The following PHYHIPL variants were observed in gnomAD, a reference collection of about 807,000 sequenced individuals.
PHYHIPL encodes phytanoyl-CoA hydroxylase-interacting protein-like.
A neutral mutation model predicts 33.4 loss-of-function variants in PHYHIPL; 9 were observed. The ratio of observed to expected loss-of-function variants is 0.27; its 90% confidence interval spans 0.16 to 0.47. The LOEUF (loss-of-function observed/expected upper bound fraction) is 0.47. Among genes scored for constraint, PHYHIPL ranks in the 20% least tolerant of loss-of-function variants. PHYHIPL has a pLI of 0.99. For synonymous variants in PHYHIPL, 153 were observed against 154.1 expected (o/e 0.99, Z 0.05); for missense variants, 365 against 460.7 (o/e 0.79, Z 1.90).
intron 1 of PHYHIPL, among the ~76,000 whole-genome samples, chr10:59,212,568 C>G (rs1839488562): frequency 6.6e-6 from 1 of 152,158 alleles, no homozygotes; most frequent in African/African-American, 2.4e-5. Context: ...ACCAATCCAG[C>G]TGTTTCTGTA....
intron 1 of PHYHIPL, among the ~76,000 whole-genome samples, chr10:59,196,904 G>T (rs1838937860): frequency 1.3e-5 from 2 of 152,162 alleles, no homozygotes; most frequent in Admixed American, 1.3e-4. Flanking sequence ...TTGTCAAAAA[G>T]ATTTCTTAAA....
At chr10:59,242,800 G>A (rs1840449414) in intron 4 of PHYHIPL, among the ~76,000 whole-genome samples, 1 of 152,088 alleles carries the variant, frequency 6.6e-6, no homozygotes, top group South Asian at 2.1e-4. Context: ...GCAGATTCAA[G>A]AGGACAAAGA....
At chr10:59,226,993 TGC>T (rs1201663993) in intron 1 of PHYHIPL, among the ~76,000 whole-genome samples, 1 of 152,120 alleles carries the variant, frequency 6.6e-6, no homozygotes, top group Non-Finnish European at 1.5e-5. Context: ...ATATAAAAGA[TGC>T]ACCTAAAAAG....
At chr10:59,207,132 C>T (rs1184595624) in intron 1 of PHYHIPL, among the ~76,000 whole-genome samples, 1 of 152,144 alleles carries the variant, frequency 6.6e-6, no homozygotes, top group African/African-American at 2.4e-5. Context: ...ACAGAGGTGG[C>T]TGGCAAGATG....
At chr10:59,184,961 C>T (rs1398952448) in intron 1 of PHYHIPL, among the ~76,000 whole-genome samples, 2 of 150,548 alleles carry the variant, frequency 1.3e-5, no homozygotes, top group Middle Eastern at 3.4e-3. Flanking sequence ...CATCCATGTG[C>T]CTACAAAGGA....
At chr10:59,236,419 C>A in intron 2 of PHYHIPL, 64 bp from the exon 3 acceptor site, 1 of 1,007,736 alleles carries the variant, frequency 9.9e-7, no homozygotes, top group Non-Finnish European at 1.4e-6. Context: ...CTTCTTTCTT[C>A]ACTTCCTTCG....
chr10:59,194,126 G>T (rs1484113416), intron 1 of PHYHIPL, among the ~76,000 whole-genome samples: 1 of 141,082 alleles, frequency 7.1e-6, no homozygotes, highest in African/African-American at 2.7e-5. Flanking sequence ...CTGTTGCCCA[G>T]GCTGGAGTGC....
intron 1 of PHYHIPL, among the ~76,000 whole-genome samples, chr10:59,188,886 A>G (rs2133195737): frequency 1.3e-5 from 2 of 152,154 alleles, no homozygotes; most frequent in Middle Eastern, 6.8e-3. Context: ...GGTTTCCTGA[A>G]TACAGCACAC....
intron 1 of PHYHIPL, among the ~76,000 whole-genome samples, chr10:59,178,536 A>T (rs540697740): frequency 6.6e-6 from 1 of 152,134 alleles, no homozygotes; most frequent in Non-Finnish European, 1.5e-5. Context: ...TTATTTTCTT[A>T]GGGTTGAGAG....
intron 1 of PHYHIPL, chr10:59,221,732 T>G (rs1839782808): frequency 1.0e-6 from 1 of 970,156 alleles, no homozygotes; most frequent in Non-Finnish European, 1.2e-6. Flanking sequence ...TTTCCTGGCT[T>G]CTCATAAAAG....
intron 4 of PHYHIPL, among the ~76,000 whole-genome samples, chr10:59,243,017 A>T (rs1270250447): frequency 6.6e-6 from 1 of 152,126 alleles, no homozygotes; most frequent in Non-Finnish European, 1.5e-5. Flanking sequence ...ATGTTCCCAA[A>T]TTTGCCAAAC....
intron 1 of PHYHIPL, among the ~76,000 whole-genome samples, chr10:59,205,706 ACAC>A (rs2133227930): frequency 6.6e-6 from 1 of 152,292 alleles, no homozygotes; most frequent in Non-Finnish European, 1.5e-5. Flanking sequence ...GGGCCGGAGT[ACAC>A]TGGTCCTCAT....
chr10:59,204,863 G>GTTTT (rs1230018175), intron 1 of PHYHIPL, among the ~76,000 whole-genome samples: 3 of 129,872 alleles, frequency 2.3e-5, no homozygotes, highest in Non-Finnish European at 3.3e-5. Context: ...GTCTCATAAA[G>GTTTT]TTTTTTTTTT....
intron 1 of PHYHIPL, among the ~76,000 whole-genome samples, chr10:59,233,904 A>G (rs987924591): frequency 1.3e-5 from 2 of 151,756 alleles, no homozygotes; most frequent in Admixed American, 1.3e-4. Context: ...AGGAGGGGGA[A>G]TTTTTATAGA....
At chr10:59,232,391 C>T (rs1840104647) in intron 1 of PHYHIPL, among the ~76,000 whole-genome samples, 1 of 151,328 alleles carries the variant, frequency 6.6e-6, no homozygotes, top group African/African-American at 2.4e-5. Flanking sequence ...TATATTGTTC[C>T]CAATGGGAAA....
upstream of PHYHIPL, among the ~76,000 whole-genome samples, chr10:59,174,639 C>T (rs949626843): frequency 6.6e-6 from 1 of 152,322 alleles, no homozygotes; most frequent in Admixed American, 6.5e-5. Context: ...CTTCTTGAAA[C>T]ATTACCCTTT....
rs1278350792 is a variant in PHYHIPL at position 59,245,674 on chromosome 10, G to A, written c.*83G>A. ...CTGTTGTCCATTTTTATCACCAGAT[G>A]TTTTCCACTGAAGCATGCACATGCC... On this transcript the variant is annotated 3_prime_UTR_variant, in exon 5 of 5. Coordinates refer to ENST00000373880, the MANE Select transcript of PHYHIPL (RefSeq NM_032439.4). 5.0e-6 allele frequency: 7 copies of A among 1,411,568 alleles called. No homozygotes were observed. The East Asian group carries it at 6.9e-5, about 14-fold the overall frequency. 87.4% of individuals were successfully genotyped at this position (1,411,568 alleles called of 1,614,324 possible). A position where few individuals can be genotyped will look rare whatever the true frequency, so the allele number is the denominator to read the frequency against.
chr10:59,185,617 C>A (rs1005735395), intron 1 of PHYHIPL, among the ~76,000 whole-genome samples: 1 of 152,192 alleles, frequency 6.6e-6, no homozygotes, highest in African/African-American at 2.4e-5. Flanking sequence ...CACATCCTCT[C>A]CAGCACCTGT....
intron 1 of PHYHIPL, among the ~76,000 whole-genome samples, chr10:59,219,524 A>G (rs566959753): frequency 6.6e-6 from 1 of 152,174 alleles, no homozygotes; most frequent in Non-Finnish European, 1.5e-5. Context: ...ACATTATGCT[A>G]ATTGGATATA....
Sources: gnomAD v4.1 joint callset for allele counts (sites outside exome capture counted in the v4.1 genomes callset) on GRCh38, gnomAD v4.1.1 for gene constraint, MANE v1.5 for transcripts, NCBI Gene and HGNC (gene_info 2026-07-23, HGNC 2026-07-21) for gene names.